MN1: variants seen among roughly 807,000 people sequenced by gnomAD.
MN1 encodes MN1 proto-oncogene, transcriptional regulator.
A neutral mutation model predicts 86.9 loss-of-function variants in MN1; 19 were observed. That is an observed-to-expected ratio of 0.22 (90% confidence interval 0.15 to 0.32). The LOEUF is 0.32. Ranked by LOEUF, MN1 falls within the 10% of genes least tolerant of loss-of-function variation. The pLI is 1.00. For missense variants in MN1, 1,841 were observed against 1,862.0 expected, an observed-to-expected ratio of 0.99 and a Z score of 0.21; for synonymous variants, 928 against 849.6, an observed-to-expected ratio of 1.09 and a Z score of -1.60.
chr22:27,779,062 T>C (rs548618884), intron 1 of MN1, among the ~76,000 whole-genome samples: 3 of 152,266 alleles, frequency 2.0e-5, no homozygotes, highest in East Asian at 3.9e-4. Context: ...TCTGGGTCCA[T>C]CCCGGTCCCT....
intron 1 of MN1, among the ~76,000 whole-genome samples, chr22:27,772,825 T>C (rs549973126): frequency 6.6e-6 from 1 of 151,832 alleles, no homozygotes; most frequent in South Asian, 2.1e-4. Flanking sequence ...AATTGCTCCA[T>C]GGATGCTGCT....
chr22:27,777,302 G>C (rs1291377378), intron 1 of MN1, among the ~76,000 whole-genome samples: 5 of 152,156 alleles, frequency 3.3e-5, no homozygotes, highest in African/African-American at 1.2e-4. Context: ...GGAGGCTGAG[G>C]AGGGAGGATC....
In MN1 at chr22:27,800,696, G is replaced by A; in HGVS notation, c.-153C>T. On this transcript the variant is annotated 5_prime_UTR_variant, in exon 1 of 2. Coordinates refer to ENST00000302326, the MANE Select transcript of MN1 (RefSeq NM_002430.3). ...CGCGCACCTCCACCCCGCCTGATGT[G>A]AGGGACGGGGGGCGGGGTATTAGCT... 1 of 873,718 alleles carries A rather than the reference G, an allele frequency of 1.1e-6. No homozygotes were observed. Among genetic ancestry groups the A allele is most frequent in the Non-Finnish European group, 1.7e-6 (1 of 572,396 alleles). 54.1% of individuals were successfully genotyped at this position (873,718 alleles called of 1,614,324 possible).
At chr22:27,765,715 A>G (rs16985531) in intron 1 of MN1, among the ~76,000 whole-genome samples, 22,749 of 152,154 alleles carry the variant, frequency 0.15, 1,756 homozygotes, top group East Asian at 0.26. Flanking sequence ...GGTTCTCTCC[A>G]CAGCACTATG....
chr22:27,797,693 C>T lies in MN1; in HGVS notation c.2851G>A (p.Gly951Ser), dbSNP rs1457593854. The T allele has an allele frequency of 1.2e-6, 2 of 1,609,410 alleles. No homozygotes were observed. The highest frequency in any genetic ancestry group is 1.7e-6 in the Non-Finnish European group (2 of 1,178,548). The change falls in exon 1 of 2, where the codon GGT becomes AGT. Residue 951 changes from glycine to serine, a missense_variant. Coordinates refer to ENST00000302326, the MANE Select transcript of MN1 (RefSeq NM_002430.3). ...RGRGRRKRDS[G>S]HVSPGTFFDK... is the part of the protein sequence containing the mutation. ...AAGAAGGTGCCAGGGCTCACGTGAC[C>T]ACTGTCCCTTTTTCTGCGACCCCGT...
chr22:27,795,832 T>C (rs1236377678), intron 1 of MN1, among the ~76,000 whole-genome samples: 11 of 152,192 alleles, frequency 7.2e-5, no homozygotes, highest in Non-Finnish European at 1.5e-5. Context: ...GAACTGTTAT[T>C]ACTTTAACTG....
chr22:27,798,945 T>TGCTGCTGCTGCTGC lies in MN1; in HGVS notation c.1598_1599insGCAGCAGCAGCAGC (p.Gln538HisfsTer25). 2 of 1,539,590 alleles carry TGCTGCTGCTGCTGC rather than the reference T, an allele frequency of 1.3e-6. No individual in the cohort carries two copies. Among genetic ancestry groups the TGCTGCTGCTGCTGC allele is most frequent in the Admixed American group, 3.8e-5 (2 of 53,238 alleles). On this transcript the variant is annotated frameshift_variant, in exon 1 of 2. Transcript: ENST00000302326. LOFTEE classifies it high-confidence loss of function. ...GCTGTTGCTGCTGCTGCTGCTGCTG[T>TGCTGCTGCTGCTGC]TGCTGCTGCTGCTGCTGCTGCTGCT...
rs761846672 is a variant in MN1, at chr22:27,800,307, G to A, written c.237C>T (p.His79=). Residue 79 remains histidine, a synonymous_variant, in exon 1 of 2, where the codon CAC becomes CAT. Coordinates refer to ENST00000302326, the MANE Select transcript of MN1 (RefSeq NM_002430.3). ...CAGGCTGCGCTTGCAGCCCCCCTGCGTGCAACTCCGAGTGGCCGCGCGCGT... is the reference window on the plus strand; with the variant it reads ...CAGGCTGCGCTTGCAGCCCCCCTGCATGCAACTCCGAGTGGCCGCGCGCGT... ...GFHARGHSEL[H]AGGLQAQPVH... is the part of the protein sequence containing the mutation. 1.3e-6 allele frequency: 2 copies of A among 1,577,862 alleles called. No individual in the cohort carries two copies. Among genetic ancestry groups the A allele is most frequent in the African/African-American group, 1.4e-5 (1 of 73,914 alleles).
At position 27,799,518 on chromosome 22, in the gene MN1, C is replaced by A. The variant is rs1275842597; in HGVS notation, c.1026G>T (p.Gln342His). ...GSRHPLMQPP[Q>H]QAPPPPQQQP... Reference sequence around the variant, plus strand: ...GCTGCTGAGGGGGTGGCGGGGCCTGCTGGGGAGGCTGCATTAACGGGTGCC... The same window carrying A: ...GCTGCTGAGGGGGTGGCGGGGCCTGATGGGGAGGCTGCATTAACGGGTGCC... The change falls in exon 1 of 2, where the codon CAG becomes CAT. Residue 342 changes from glutamine (Q) to histidine (H), a missense_variant. Gln to His is a conservative substitution (Grantham distance 24). Coordinates refer to ENST00000302326, the MANE Select transcript of MN1 (RefSeq NM_002430.3). 4 of 1,454,210 alleles carry A rather than the reference C, an allele frequency of 2.8e-6. No homozygotes were observed. The highest frequency in any genetic ancestry group is 3.6e-6 in the Non-Finnish European group (4 of 1,102,818). The allele number at this position is 1,454,210 out of a possible 1,614,324, so 90.1% of individuals were successfully genotyped here. A position where few individuals can be genotyped will look rare whatever the true frequency, so the allele number is the denominator to read the frequency against.
rs1395320794 is a variant in MN1, at chr22:27,789,010, TC to T, written c.3781+7752del. Reference sequence around the variant, plus strand: ...TGAGAAGAAAAAAACTACTTTTAAATCCTCACAATTGAATGCATCAACGGGC... The same window carrying T: ...TGAGAAGAAAAAAACTACTTTTAAATCTCACAATTGAATGCATCAACGGGC... On this transcript the variant is annotated intron_variant, in intron 1 of 1. Transcript: ENST00000302326. 6.6e-5 allele frequency among the ~76,000 whole-genome samples: 10 copies of T among 152,202 alleles called. No individual in the cohort carries two copies. In the East Asian group the frequency reaches 1.9e-3, roughly 30 times the overall value.
chr22:27,799,977 TG>T lies in MN1; in HGVS notation c.566del (p.Pro189HisfsTer34). On this transcript the variant is annotated frameshift_variant, in exon 1 of 2. Transcript: ENST00000302326. LOFTEE classifies it high-confidence loss of function. ...TAGGGCTCTGGTCCAGCGGCAGGCA[TG>T]GGGCCGGCACGGCGTGGCTGGAGGC... is the stretch of plus-strand genomic sequence containing the variant. ...SGASSHAVPA[P>X]CLPLDQSPNR... 6.2e-7 allele frequency: 1 copy of T among 1,602,914 alleles called. No individual in the cohort carries two copies.
rs1240981820 is a variant in MN1, at chr22:27,797,097, C to T, written c.3447G>A (p.Glu1149=). ...CCTGAAGGATCTCCAGGGGGTGGAT[C>T]TCGTCGGGTGGCGGGGCGCCGCTGC... ...TSSSGAPPPD[E]IHPLEILQAQ... is the part of the protein sequence containing the mutation. The change falls in exon 1 of 2, where the codon GAG becomes GAA. Residue 1149 remains glutamate (E), a synonymous_variant. Transcript: ENST00000302326. 2 of 1,606,368 alleles carry T rather than the reference C, an allele frequency of 1.2e-6. No homozygotes were observed. Among genetic ancestry groups the T allele is most frequent in the Admixed American group, 1.7e-5 (1 of 59,284 alleles).
chr22:27,763,957 A>AGGC (rs1932851223), intron 1 of MN1, among the ~76,000 whole-genome samples: 1 of 152,216 alleles, frequency 6.6e-6, no homozygotes, highest in African/African-American at 2.4e-5. Flanking sequence ...CAGGAAGAGG[A>AGGC]GGCGAGAGGA....
chr22:27,759,258 A>G (rs1015007585), intron 1 of MN1, among the ~76,000 whole-genome samples: 4 of 152,138 alleles, frequency 2.6e-5, no homozygotes, highest in African/African-American at 9.7e-5. Context: ...CACAACCCCA[A>G]GAATGACCTG....
Position 27,798,836 on chromosome 22 carries a change from G to A in MN1, c.1708C>T (p.Leu570=). The part of the protein sequence containing the change: ...QMASRNQQQR[L]RQPNLAQLGH... ...AGCTGAGCCAGGTTGGGCTGGCGCA[G>A]CCGCTGCTGCTGATTCCGCGACGCC... The change falls in exon 1 of 2, where the codon CTG becomes TTG. Residue 570 remains leucine, a synonymous_variant. Coordinates refer to ENST00000302326, the MANE Select transcript of MN1 (RefSeq NM_002430.3). 6.5e-7 allele frequency: 1 copy of A among 1,539,574 alleles called. No homozygotes were observed. The highest frequency in any genetic ancestry group is 8.7e-7 in the Non-Finnish European group (1 of 1,146,624).
chr22:27,774,189 G>A (rs982979389), intron 1 of MN1, among the ~76,000 whole-genome samples: 2 of 152,162 alleles, frequency 1.3e-5, no homozygotes, highest in African/African-American at 2.4e-5. Flanking sequence ...TGCAAAACAC[G>A]TCTGGGCAGA....
At chr22:27,769,346 A>G (rs2283846) in intron 1 of MN1, among the ~76,000 whole-genome samples, 69,155 of 151,666 alleles carry the variant, frequency 0.46, 17,006 homozygotes, top group African/African-American at 0.64. Context: ...GAAATAAAGT[A>G]AATTGCCTGA....
At position 27,750,726 on chromosome 22, in the gene MN1, C is replaced by G. The variant is rs183597798; in HGVS notation, c.*189G>C. On this transcript the variant is annotated 3_prime_UTR_variant, in exon 2 of 2. Coordinates refer to ENST00000302326, the MANE Select transcript of MN1 (RefSeq NM_002430.3). ...TTTAAAAAAACTTTTGAGGTTCCCC[C>G]CCTTTAAATTAACCCTTTCCGGTCC... is the stretch of plus-strand genomic sequence containing the variant. 2.7e-5 allele frequency: 12 copies of G among 449,198 alleles called. No homozygotes were observed. Among genetic ancestry groups the G allele is most frequent in the East Asian group, 2.1e-4 (6 of 29,140 alleles). 27.8% of individuals were successfully genotyped at this position (449,198 alleles called of 1,614,324 possible).
rs145978916 is a variant in MN1 at position 27,792,050 on chromosome 22, G to T, written c.3781+4713C>A. ...AAGTAACTTCTTGGCAAGAGTAGCCGCATTTTCAAAACCTATTAAGATTCT... is the reference window on the plus strand; with the variant it reads ...AAGTAACTTCTTGGCAAGAGTAGCCTCATTTTCAAAACCTATTAAGATTCT... On this transcript the variant is annotated intron_variant, in intron 1 of 1. Coordinates refer to ENST00000302326, the MANE Select transcript of MN1 (RefSeq NM_002430.3). 3.5e-3 allele frequency among the ~76,000 whole-genome samples: 535 copies of T among 152,084 alleles called. 1 individual carries two copies. Among genetic ancestry groups the T allele is most frequent in the Non-Finnish European group, 6.3e-3 (428 of 68,016 alleles).
Sources: gnomAD v4.1 joint callset for allele counts (sites outside exome capture counted in the v4.1 genomes callset) on GRCh38, gnomAD v4.1.1 for gene constraint, MANE v1.5 for transcripts, NCBI Gene and HGNC (gene_info 2026-07-23, HGNC 2026-07-21) for gene names.